Variants in SEC14L1 observed in about 807,000 individuals in gnomAD.
SEC14L1 encodes the protein SEC14-like protein 1.
Under a neutral mutation model 85.3 loss-of-function variants are expected in SEC14L1, and 48 were observed. The ratio of observed to expected loss-of-function variants is 0.56; its 90% CI spans 0.45 to 0.72. SEC14L1 has a LOEUF of 0.72. Among genes scored for constraint, SEC14L1 ranks in the 30% least tolerant of loss-of-function variants. SEC14L1 has a pLI of 0.00. For synonymous variants in SEC14L1, 391 were observed against 355.5 expected (o/e 1.10, Z -1.12); for missense variants, 682 against 921.4 (o/e 0.74, Z 3.36).
intron 3 of SEC14L1, among the ~76,000 whole-genome samples, chr17:77,104,790 CAAAAAAAA>C (rs34654587): frequency 3.0e-4 from 35 of 115,828 alleles, no homozygotes; most frequent in African/African-American, 1.1e-3. Flanking sequence ...GACTCCATTT[CAAAAAAAA>C]AAAAAAAAAG....
rs765057500 is a variant in SEC14L1, at chr17:77,143,691, G to A, written c.63+32G>A. ...ACTTGACATTTCAATTTACTCTTTG[G>A]CTTCTTATTTATAAAGTACAGTGTT... On this transcript the variant is annotated intron_variant, in intron 3 of 16. Transcript: ENST00000436233. The A allele has an allele frequency of 1.9e-5, 28 of 1,483,212 alleles. No homozygotes were observed. In the East Asian group the frequency reaches 5.0e-4, roughly 26 times the overall value. The allele number at this position is 1,483,212 out of a possible 1,614,324, so 91.9% of individuals were successfully genotyped here.
chr17:77,122,450 C>T (rs1567877885), intron 3 of SEC14L1, among the ~76,000 whole-genome samples: 1 of 152,040 alleles, frequency 6.6e-6, no homozygotes, highest in Non-Finnish European at 1.5e-5. Flanking sequence ...TACAGGTGTA[C>T]ACCACCACAT....
Position 77,143,576 on chromosome 17 carries a change from G to A in SEC14L1, c.-21G>A, listed in dbSNP as rs376718665. The A allele has an allele frequency of 6.2e-7, 1 of 1,607,538 alleles. No homozygotes were observed. Among genetic ancestry groups the A allele is most frequent in the Non-Finnish European group, 8.5e-7 (1 of 1,174,732 alleles). On this transcript the variant is annotated 5_prime_UTR_variant, in exon 3 of 17. Coordinates refer to ENST00000436233, the MANE Select transcript of SEC14L1 (RefSeq NM_001143998.2). The stretch of plus-strand genomic sequence containing the variant: ...TATTTATGTTTTGCAGGTGTGAGAG[G>A]GTTGCTGTTGTATTGCAATCATGGT...
chr17:77,201,631 A>G (rs1311517403), intron 9 of SEC14L1, among the ~76,000 whole-genome samples: 1 of 151,894 alleles, frequency 6.6e-6, no homozygotes, highest in Non-Finnish European at 1.5e-5. Context: ...TTGTATTTTT[A>G]GTAGAGATGG....
chr17:77,111,263 C>T (rs895582246), intron 3 of SEC14L1, among the ~76,000 whole-genome samples: 3 of 151,466 alleles, frequency 2.0e-5, no homozygotes, highest in Non-Finnish European at 2.9e-5. Context: ...GGTGGGATTC[C>T]GGGCTATACG....
chr17:77,164,408 C>T (rs991013010), intron 3 of SEC14L1, among the ~76,000 whole-genome samples: 3 of 152,048 alleles, frequency 2.0e-5, no homozygotes, highest in African/African-American at 4.8e-5. Flanking sequence ...CTCCCAATTT[C>T]CCCCCACCTC....
At chr17:77,177,480 G>T (rs144140959) in intron 3 of SEC14L1, among the ~76,000 whole-genome samples, 2,300 of 151,342 alleles carry the variant, frequency 0.015, 37 homozygotes, top group Non-Finnish European at 0.019. Context: ...GGTAGTCTTG[G>T]CTGGAAATTC....
rs528850454 is a variant in SEC14L1, at chr17:77,206,454, A to G, written c.1341+54A>G. 126 of 1,565,582 alleles carry G rather than the reference A, an allele frequency of 8.0e-5. No individual in the cohort carries two copies. The African/African-American group carries it at 1.2e-3, about 15-fold the overall frequency. On this transcript the variant is annotated intron_variant, in intron 12 of 16. Transcript: ENST00000436233. The surrounding 1 kb of genome is among the most constrained non-coding windows in gnomAD (Gnocchi z 4.3). Reference sequence around the variant, plus strand: ...GTGAGCCATTTGGAAAGCAGATAACATGCATTCATATACACGTGTCTGTGA... The same window carrying G: ...GTGAGCCATTTGGAAAGCAGATAACGTGCATTCATATACACGTGTCTGTGA...
intron 3 of SEC14L1, among the ~76,000 whole-genome samples, chr17:77,117,299 A>G (rs1972194058): frequency 6.6e-6 from 1 of 152,216 alleles, no homozygotes; most frequent in East Asian, 1.9e-4. Context: ...GTGAGCCAAG[A>G]TCGAGCCACT....
intron 3 of SEC14L1, among the ~76,000 whole-genome samples, chr17:77,169,031 T>G (rs1974414568): frequency 1.0e-5 from 1 of 100,432 alleles, no homozygotes; most frequent in African/African-American, 3.9e-5. Flanking sequence ...TTTTTTTTTT[T>G]TTTTTTGTGA....
At chr17:77,200,915 G>A (rs1035229135) in intron 9 of SEC14L1, among the ~76,000 whole-genome samples, 3 of 152,194 alleles carry the variant, frequency 2.0e-5, no homozygotes, top group Non-Finnish European at 4.4e-5. Flanking sequence ...ATGGACACAC[G>A]TCATCCTTGG....
chr17:77,147,960 T>C (rs1033023738), intron 3 of SEC14L1, among the ~76,000 whole-genome samples: 16 of 152,192 alleles, frequency 1.1e-4, no homozygotes, highest in African/African-American at 3.4e-4. Context: ...TGATTGATTG[T>C]GCCTTAAAGG....
chr17:77,140,642 C>G (rs967787741), upstream of SEC14L1: 1 of 152,518 alleles, frequency 6.6e-6, no homozygotes, highest in Non-Finnish European at 1.5e-5. Flanking sequence ...CACTCCGCCT[C>G]CGCCCGCTAC....
rs1976933243 is a variant in SEC14L1 at position 77,214,382 on chromosome 17, A to T, written c.*359A>T. On this transcript the variant is annotated 3_prime_UTR_variant, in exon 17 of 17. Coordinates refer to ENST00000436233, the MANE Select transcript of SEC14L1 (RefSeq NM_001143998.2). ...CGAACTCCGCATTGTCCATTAGTGAATGAATTCCTGTGACATCCTCCAGAG... is the reference window on the plus strand; with the variant it reads ...CGAACTCCGCATTGTCCATTAGTGATTGAATTCCTGTGACATCCTCCAGAG... 9.9e-7 allele frequency: 1 copy of T among 1,013,886 alleles called. No individual in the cohort carries two copies. The highest frequency in any genetic ancestry group is 1.2e-6 in the Non-Finnish European group (1 of 846,830). 62.8% of individuals were successfully genotyped at this position (1,013,886 alleles called of 1,614,324 possible). A position where few individuals can be genotyped will look rare whatever the true frequency, so the allele number is the denominator to read the frequency against.
chr17:77,191,046 C>T, intron 4 of SEC14L1, 94 bp downstream of exon 4: 1 of 1,550,268 alleles, frequency 6.5e-7, no homozygotes, highest in Non-Finnish European at 8.8e-7. Flanking sequence ...AGAGGGCATC[C>T]TGGAGGGAGA....
intron 3 of SEC14L1, among the ~76,000 whole-genome samples, chr17:77,100,333 GCA>G (rs1314807493): frequency 1.3e-5 from 2 of 151,618 alleles, no homozygotes; most frequent in African/African-American, 2.4e-5. Flanking sequence ...GCCCTGCGCT[GCA>G]GTGTGTGCAT....
At position 77,127,611 on chromosome 17, in the gene SEC14L1, A is replaced by G. The variant is rs890305151; in HGVS notation, c.-135-15035A>G. Among the ~76,000 whole-genome samples the G allele has an allele frequency of 9.9e-5, 15 of 152,194 alleles. 1 individual carries two copies. The highest frequency in any genetic ancestry group is 1.8e-4 in the Non-Finnish European group (12 of 67,978). On this transcript the variant is annotated intron_variant, in intron 3 of 19. Coordinates refer to the SEC14L1 transcript ENST00000392476. Reference sequence around the variant, plus strand: ...GTAATCCACCTGCCTCAGCCTCCCAAAGTGCTGGGATTACAGGCGTAAGCC... The same window carrying G: ...GTAATCCACCTGCCTCAGCCTCCCAGAGTGCTGGGATTACAGGCGTAAGCC...
intron 3 of SEC14L1, among the ~76,000 whole-genome samples, chr17:77,149,645 G>A (rs1973467819): frequency 6.6e-6 from 1 of 152,174 alleles, no homozygotes; most frequent in Non-Finnish European, 1.5e-5. Context: ...GCTGCAGTGA[G>A]CTATGATCAC....
intron 3 of SEC14L1, among the ~76,000 whole-genome samples, chr17:77,161,712 CTT>C (rs763767954): frequency 0.022 from 2,314 of 103,042 alleles, 47 homozygotes; most frequent in African/African-American, 0.062. Flanking sequence ...TAAATTGGTT[CTT>C]TTTTTTTTTT....
Sources: allele counts gnomAD v4.1 joint callset (sites outside exome capture counted in the v4.1 genomes callset), GRCh38; gene constraint gnomAD v4.1.1; non-coding constraint Gnocchi (gnomAD v3.1); transcripts MANE v1.5; gene names NCBI Gene and HGNC (gene_info 2026-07-23, HGNC 2026-07-21).